The following SYNE1 variants were observed in gnomAD, a reference collection of about 807,000 sequenced individuals.
The protein encoded by SYNE1 is nesprin-1.
SYNE1 carries 616 observed loss-of-function variants against 1,111.0 expected under a neutral mutation model. That is an observed-to-expected ratio of 0.55 (90% CI 0.52 to 0.59). The LOEUF (loss-of-function observed/expected upper bound fraction) is 0.59. Ranked by LOEUF, SYNE1 falls within the 20% of genes least tolerant of loss-of-function variation. The pLI, the probability that SYNE1 is intolerant of heterozygous loss-of-function variation, is 0.00. For synonymous variants in SYNE1, 3,855 were observed against 3,825.8 expected, an observed-to-expected ratio of 1.01 and a Z score of -0.28; for missense variants, 10,006 against 10,417.0, an observed-to-expected ratio of 0.96 and a Z score of 1.72.
chr6:152,173,414 A>T (rs2065675192), intron 130 of SYNE1, among the ~76,000 whole-genome samples: 2 of 152,226 alleles, frequency 1.3e-5, no homozygotes, highest in South Asian at 4.1e-4. Flanking sequence ...ACAGGACAGA[A>T]ATGTCGAAAG....
At chr6:152,370,803 G>A (rs1461483681) in intron 59 of SYNE1, among the ~76,000 whole-genome samples, 2 of 152,204 alleles carry the variant, frequency 1.3e-5, no homozygotes, top group Admixed American at 1.3e-4. Flanking sequence ...ACTTATGAGA[G>A]AATAGTTCAA....
chr6:152,222,190 T>TCTCTC (rs1271409434), intron 117 of SYNE1, among the ~76,000 whole-genome samples: 4 of 152,316 alleles, frequency 2.6e-5, no homozygotes, highest in South Asian at 4.1e-4. Flanking sequence ...AAAAACTCCT[T>TCTCTC]CTCTCCTTTG....
chr6:152,187,862 A>G (rs1346438307), intron 128 of SYNE1, among the ~76,000 whole-genome samples: 1 of 152,042 alleles, frequency 6.6e-6, no homozygotes, highest in African/African-American at 2.4e-5. Flanking sequence ...AGTAGCTGGG[A>G]TTACAGGCAC....
intron 3 of SYNE1, among the ~76,000 whole-genome samples, chr6:152,608,709 G>A (rs1465804022): frequency 1.3e-5 from 2 of 152,174 alleles, no homozygotes; most frequent in Admixed American, 6.5e-5. Flanking sequence ...GCCAAGGCAG[G>A]CAGATCATGA....
At chr6:152,310,666 T>G in intron 88 of SYNE1, 22 bp downstream of exon 88, 1 of 1,610,514 alleles carries the variant, frequency 6.2e-7, no homozygotes, top group Non-Finnish European at 8.5e-7. Flanking sequence ...TTTTTCTGTT[T>G]CTTTTTTTTT....
intron 3 of SYNE1, among the ~76,000 whole-genome samples, chr6:152,550,866 G>A (rs1398220892): frequency 6.6e-6 from 1 of 152,064 alleles, no homozygotes; most frequent in African/African-American, 2.4e-5. Flanking sequence ...CAAAGCTGGG[G>A]TCCTTAGACT....
At chr6:152,473,699 C>A (rs1377324189) in intron 14 of SYNE1, among the ~76,000 whole-genome samples, 1 of 152,098 alleles carries the variant, frequency 6.6e-6, no homozygotes, top group Non-Finnish European at 1.5e-5. Context: ...TCTAGCCATT[C>A]TCTACCTCCT....
At chr6:152,493,911 T>G (rs1564436681) in intron 11 of SYNE1, among the ~76,000 whole-genome samples, 1 of 152,130 alleles carries the variant, frequency 6.6e-6, no homozygotes, top group Admixed American at 6.5e-5. Flanking sequence ...CTAAATCCTT[T>G]CCCCACTCGT....
intron 82 of SYNE1, among the ~76,000 whole-genome samples, chr6:152,322,700 C>T (rs73783833): frequency 0.042 from 6,446 of 152,200 alleles, 464 homozygotes; most frequent in African/African-American, 0.15. Context: ...TTCCCCTCCC[C>T]GCATCACCCA....
rs1013054276 is a variant in SYNE1, at chr6:152,459,011, C to T, written c.2395-81G>A. 4 of 1,230,802 alleles carry T rather than the reference C, an allele frequency of 3.2e-6. No homozygotes were observed. In the South Asian group the frequency reaches 3.7e-5, roughly 11 times the overall value. The allele number at this position is 1,230,802 out of a possible 1,614,324, so 76.2% of individuals were successfully genotyped here. On this transcript the variant is annotated intron_variant, in intron 21 of 145. Transcript: ENST00000367255. Reference sequence around the variant, plus strand: ...AGGGAACGTTCATAGCTCTGAGGAACATTTTCTTTAGTGACATGATCATTT... The same window carrying T: ...AGGGAACGTTCATAGCTCTGAGGAATATTTTCTTTAGTGACATGATCATTT...
intron 3 of SYNE1, among the ~76,000 whole-genome samples, chr6:152,618,044 A>G (rs2099665086): frequency 6.6e-6 from 1 of 152,194 alleles, no homozygotes; most frequent in African/African-American, 2.4e-5. Flanking sequence ...GAGTCCTTGC[A>G]AGCTTCTAAG....
At chr6:152,167,536 T>C (rs944662988) in intron 130 of SYNE1, among the ~76,000 whole-genome samples, 1 of 152,218 alleles carries the variant, frequency 6.6e-6, no homozygotes, top group Non-Finnish European at 1.5e-5. Flanking sequence ...TGCACTAAAT[T>C]ACTATTTTAG....
intron 3 of SYNE1, among the ~76,000 whole-genome samples, chr6:152,545,309 G>A (rs60446960): frequency 2.4e-3 from 361 of 152,296 alleles, no homozygotes; most frequent in African/African-American, 8.5e-3. Flanking sequence ...TCCGGGTGCT[G>A]TGGCTCATGC....
At chr6:152,409,013 G>T in intron 44 of SYNE1, 55 bp downstream of exon 44, 4 of 1,507,996 alleles carry the variant, frequency 2.7e-6, no homozygotes, top group Non-Finnish European at 2.8e-6. Flanking sequence ...CCAAAAATTT[G>T]ATTGGGGAAT....
intron 140 of SYNE1, among the ~76,000 whole-genome samples, chr6:152,138,831 T>A (rs550585219): frequency 6.6e-6 from 1 of 152,148 alleles, no homozygotes; most frequent in African/African-American, 2.4e-5. Flanking sequence ...CATTTTAGTG[T>A]CTGGGTTAAG....
chr6:152,281,411 A>G (rs950593365), intron 97 of SYNE1, among the ~76,000 whole-genome samples: 6 of 152,208 alleles, frequency 3.9e-5, no homozygotes, highest in African/African-American at 1.2e-4. Context: ...CGAATAATAT[A>G]TCAGGATTAG....
rs549171829 is a variant in SYNE1 at position 152,141,283 on chromosome 6, C to T, written c.25166G>A (p.Arg8389Lys). ...TTCCTCCTTCAGTTTGTGCTCCAGT[C>T]TCTTCACGGAGTCTATACTGCTACT... ...ECSSSIDSVK[R>K]LEHKLKEEEE... Residue 8389 changes from arginine (R) to lysine (K), a missense_variant, in exon 139 of 146, where the codon AGA (arginine) becomes AAA (lysine). By Grantham distance (26) the Arg-to-Lys change is conservative (BLOSUM62 2). Transcript: ENST00000367255. The T allele has an allele frequency of 4.3e-6, 7 of 1,614,186 alleles. No individual in the cohort carries two copies. The South Asian group carries it at 6.6e-5, about 15-fold the overall frequency.
rs1457786487 is a variant in SYNE1 at position 152,395,552 on chromosome 6, T to A, written c.7676A>T (p.Lys2559Ile). Reference sequence around the variant, plus strand: ...CAGTTCTCCCAAAAACATTTCAACTTTATGAACTTCATTTTTCTTCTCAGG... The same window carrying A: ...CAGTTCTCCCAAAAACATTTCAACTATATGAACTTCATTTTTCTTCTCAGG... ...HIPEKKNEVH[K>I]VEMFLGELLA... Residue 2559 changes from lysine to isoleucine, a missense_variant, in exon 51 of 146, where the codon AAA becomes ATA. By Grantham distance (102) the Lys-to-Ile change is moderately radical (BLOSUM62 -3). Coordinates refer to ENST00000367255, the MANE Select transcript of SYNE1 (RefSeq NM_182961.4). 6.2e-7 allele frequency: 1 copy of A among 1,614,078 alleles called. No homozygotes were observed. The highest frequency in any genetic ancestry group is 1.1e-5 in the South Asian group (1 of 91,074).
chr6:152,265,339 G>T (rs1166497779), intron 100 of SYNE1, among the ~76,000 whole-genome samples: 1 of 151,046 alleles, frequency 6.6e-6, no homozygotes, highest in African/African-American at 2.4e-5. Context: ...CAGTTAAAAT[G>T]AAGAACTAGA....
Sources: gnomAD v4.1 joint callset for allele counts (sites outside exome capture counted in the v4.1 genomes callset) on GRCh38, gnomAD v4.1.1 for gene constraint, MANE v1.5 for transcripts, NCBI Gene and HGNC (gene_info 2026-07-23, HGNC 2026-07-21) for gene names.